NDUFS4: variants seen among roughly 807,000 people sequenced by gnomAD.
NDUFS4 encodes the protein NADH dehydrogenase [ubiquinone] iron-sulfur protein 4, mitochondrial.
A neutral mutation model predicts 24.3 loss-of-function variants in NDUFS4; 28 were observed. The observed-to-expected ratio is 1.15, with a 90% CI of 0.85 to 1.58. The LOEUF is 1.58. Ranked by LOEUF, NDUFS4 falls within the 40% of genes most tolerant of loss-of-function variation. The probability of loss-of-function intolerance (pLI) is 0.00; values close to 1 mark genes in which losing one functional copy is unlikely to be tolerated. For synonymous variants in NDUFS4, 93 were observed against 69.7 expected, an observed-to-expected ratio of 1.34 and a Z score of -1.67; for missense variants, 223 against 207.9, an observed-to-expected ratio of 1.07 and a Z score of -0.45.
rs186390113 is a variant in NDUFS4 at position 53,630,226 on chromosome 5, G to C, written c.178-16007G>C. On this transcript the variant is annotated intron_variant, in intron 2 of 4. Transcript: ENST00000296684. ...ATTGACCCCTACTCTCTTCTGGCTT[G>C]TAGGGTTTCTGCTGAGAGATCTGCT... Among the ~76,000 whole-genome samples the C allele has an allele frequency of 3.7e-3, 557 of 152,318 alleles. 4 individuals carry two copies. The highest frequency in any genetic ancestry group is 0.013 in the African/African-American group (542 of 41,564).
chr5:53,595,399 C>T (rs1391339820), intron 1 of NDUFS4, among the ~76,000 whole-genome samples: 2 of 152,146 alleles, frequency 1.3e-5, no homozygotes, highest in African/African-American at 4.8e-5. Context: ...ACAGTTTCTT[C>T]CATTAAGGCA....
At chr5:53,587,497 A>G (rs904250471) in intron 1 of NDUFS4, among the ~76,000 whole-genome samples, 3 of 152,186 alleles carry the variant, frequency 2.0e-5, no homozygotes, top group Admixed American at 2.0e-4. Flanking sequence ...GAGTATGTAT[A>G]GATTAGCAAC....
At chr5:53,677,595 T>C (rs925732492) in intron 4 of NDUFS4, among the ~76,000 whole-genome samples, 10 of 152,170 alleles carry the variant, frequency 6.6e-5, no homozygotes, top group Admixed American at 1.3e-4. Flanking sequence ...TAAAAAGCTA[T>C]TTTTCTTTTC....
rs530562853 is a variant in NDUFS4, at chr5:53,630,698, C to T, written c.178-15535C>T. Among the ~76,000 whole-genome samples the T allele has an allele frequency of 3.9e-5, 6 of 152,156 alleles. No individual in the cohort carries two copies. The South Asian group carries it at 1.0e-3, about 26-fold the overall frequency. On this transcript the variant is annotated intron_variant, in intron 2 of 4. Coordinates refer to ENST00000296684, the MANE Select transcript of NDUFS4 (RefSeq NM_002495.4). ...GCTATTGAAGCTTGTGTATGCTTCA[C>T]GAAGTTCTCTTGCTGCATTTTTCAG...
Position 53,671,341 on chromosome 5 carries a change from G to C in NDUFS4, c.425-11777G>C, listed in dbSNP as rs1014523237. Reference sequence around the variant, plus strand: ...ACCTCACTTCTTATGGAAGGCTGGTGTTCTGAAATTGGGGAGTGGAAAAGA... The same window carrying C: ...ACCTCACTTCTTATGGAAGGCTGGTCTTCTGAAATTGGGGAGTGGAAAAGA... On this transcript the variant is annotated intron_variant, in intron 4 of 4. Coordinates refer to ENST00000296684, the MANE Select transcript of NDUFS4 (RefSeq NM_002495.4). Among the ~76,000 whole-genome samples, 4 of 152,196 alleles carry C rather than the reference G, an allele frequency of 2.6e-5. No homozygotes were observed. The South Asian group carries it at 8.3e-4, about 32-fold the overall frequency.
chr5:53,621,184 T>A (rs768287216), intron 2 of NDUFS4, among the ~76,000 whole-genome samples: 1 of 152,190 alleles, frequency 6.6e-6, no homozygotes, highest in Non-Finnish European at 1.5e-5. Context: ...GCTTTATTCT[T>A]ATGTGATGTC....
At chr5:53,679,826 A>G (rs866172874) in intron 4 of NDUFS4, among the ~76,000 whole-genome samples, 23 of 152,210 alleles carry the variant, frequency 1.5e-4, no homozygotes, top group Middle Eastern at 3.4e-3. Context: ...TAGGTTTCTT[A>G]CCTATCATTT....
intron 2 of NDUFS4, among the ~76,000 whole-genome samples, chr5:53,612,714 A>G (rs1286079884): frequency 6.6e-6 from 1 of 151,886 alleles, no homozygotes; most frequent in African/African-American, 2.4e-5. Flanking sequence ...TGTTTGATTA[A>G]TTAGCACACG....
chr5:53,606,304 C>G (rs1345429948), intron 2 of NDUFS4, among the ~76,000 whole-genome samples: 1 of 152,164 alleles, frequency 6.6e-6, no homozygotes, highest in Non-Finnish European at 1.5e-5. Context: ...TGTGAGGAGG[C>G]CTTAGGGGAC....
intron 1 of NDUFS4, among the ~76,000 whole-genome samples, chr5:53,598,462 A>C (rs1750198388): frequency 6.6e-6 from 1 of 152,360 alleles, no homozygotes; most frequent in South Asian, 2.1e-4. Flanking sequence ...AAAACAAAGT[A>C]GAACTATCGT....
Position 53,677,055 on chromosome 5 carries a change from G to GT in NDUFS4, c.425-6056dup, listed in dbSNP as rs1254389983. Reference sequence around the variant, plus strand: ...GAAGTGGTTTTTGGCTATTTGTGTAGTTTTTTTCTCCAGAAAAATGTGTTC... The same window carrying GT: ...GAAGTGGTTTTTGGCTATTTGTGTAGTTTTTTTTCTCCAGAAAAATGTGTTC... On this transcript the variant is annotated intron_variant, in intron 4 of 4. Transcript: ENST00000296684. 5.9e-5 allele frequency among the ~76,000 whole-genome samples: 9 copies of GT among 152,138 alleles called. No homozygotes were observed. In the East Asian group the frequency reaches 1.7e-3, roughly 29 times the overall value.
At chr5:53,656,077 G>A (rs72753667) in intron 3 of NDUFS4, among the ~76,000 whole-genome samples, 25,006 of 151,814 alleles carry the variant, frequency 0.16, 2,295 homozygotes, top group Non-Finnish European at 0.21. Flanking sequence ...CTGAGATTAC[G>A]GCTTTCTGCT....
At chr5:53,680,998 T>G (rs1005049603) in intron 4 of NDUFS4, among the ~76,000 whole-genome samples, 3 of 152,002 alleles carry the variant, frequency 2.0e-5, no homozygotes, top group Non-Finnish European at 4.4e-5. Context: ...ATCTAAAGTG[T>G]TTTCTCCTAG....
chr5:53,580,708 CTTTCCT>C (rs70983361), intron 1 of NDUFS4, among the ~76,000 whole-genome samples: 30,955 of 146,338 alleles, frequency 0.21, 3,771 homozygotes, highest in East Asian at 0.46. Context: ...CTTTCCTTTC[CTTTCCT>C]TTTCCTTTTC....
intron 4 of NDUFS4, among the ~76,000 whole-genome samples, chr5:53,670,523 T>A (rs971209322): frequency 6.9e-6 from 1 of 145,950 alleles, no homozygotes; most frequent in Non-Finnish European, 1.5e-5. Context: ...TAATTTTACA[T>A]ATTTCCTTTT....
chr5:53,646,209 T>G (rs759712153), intron 2 of NDUFS4, 24 bp from the exon 3 acceptor site: 102 of 1,560,920 alleles, frequency 6.5e-5, no homozygotes, highest in Middle Eastern at 1.7e-4. Context: ...TTGAAACGTG[T>G]TTTTTTTTCT....
chr5:53,667,287 G>A (rs1269469321), intron 4 of NDUFS4, among the ~76,000 whole-genome samples: 1 of 152,054 alleles, frequency 6.6e-6, no homozygotes, highest in Non-Finnish European at 1.5e-5. Context: ...CCAACATGGA[G>A]AACCCTCGTC....
chr5:53,678,684 G>A (rs181811608), intron 4 of NDUFS4, among the ~76,000 whole-genome samples: 1 of 151,948 alleles, frequency 6.6e-6, no homozygotes, highest in African/African-American at 2.4e-5. Context: ...TTATTTTAGG[G>A]TTAAAGAAAG....
At chr5:53,653,576 CAT>C (rs927575623) in intron 3 of NDUFS4, among the ~76,000 whole-genome samples, 19 of 152,032 alleles carry the variant, frequency 1.2e-4, no homozygotes, top group African/African-American at 3.6e-4. Flanking sequence ...ACTATAGATA[CAT>C]GTTTCCATAT....
Sources: allele counts gnomAD v4.1 joint callset (sites outside exome capture counted in the v4.1 genomes callset), GRCh38; gene constraint gnomAD v4.1.1; transcripts MANE v1.5; gene names NCBI Gene and HGNC (gene_info 2026-07-23, HGNC 2026-07-21).